The following ROBO2 variants were observed in gnomAD, a reference collection of about 807,000 sequenced individuals.
The protein encoded by ROBO2 is roundabout homolog 2.
Under a neutral mutation model 160.8 loss-of-function variants are expected in ROBO2, and 53 were observed. The observed-to-expected ratio is 0.33, with a 90% confidence interval of 0.26 to 0.41. ROBO2 has a LOEUF of 0.41. Among genes scored for constraint, ROBO2 ranks in the 10% least tolerant of loss-of-function variants. The probability of loss-of-function intolerance (pLI) is 1.00; values close to 1 mark genes in which losing one functional copy is unlikely to be tolerated. For missense variants in ROBO2, 1,577 were observed against 1,722.4 expected (o/e 0.92, Z 1.49); for synonymous variants, 664 against 611.7 (o/e 1.09, Z -1.26).
chr3:77,075,957 C>T (rs776040975), intron 1 of ROBO2, among the ~76,000 whole-genome samples: 9 of 151,654 alleles, frequency 5.9e-5, no homozygotes, highest in South Asian at 4.1e-4. Flanking sequence ...GGATTACAGG[C>T]GTGAGCCACC....
At chr3:76,619,595 C>A (rs2088898206) in intron 2 of ROBO2, among the ~76,000 whole-genome samples, 1 of 152,160 alleles carries the variant, frequency 6.6e-6, no homozygotes, top group Admixed American at 6.5e-5. Flanking sequence ...CTAACTCCAG[C>A]ATATTATCAT....
At chr3:76,894,578 A>G (rs2074618783) in intron 2 of ROBO2, among the ~76,000 whole-genome samples, 1 of 152,156 alleles carries the variant, frequency 6.6e-6, no homozygotes, top group Admixed American at 6.5e-5. Flanking sequence ...GTATTGCCAT[A>G]TAAAAAGATA....
At chr3:76,219,158 T>C (rs1435006730) in intron 2 of ROBO2, among the ~76,000 whole-genome samples, 2 of 152,120 alleles carry the variant, frequency 1.3e-5, no homozygotes, top group Non-Finnish European at 2.9e-5. Context: ...ATACAAAAAT[T>C]AATTCAAGAT....
chr3:76,727,062 G>A (rs1187581190), intron 2 of ROBO2, among the ~76,000 whole-genome samples: 2 of 152,116 alleles, frequency 1.3e-5, no homozygotes, highest in Non-Finnish European at 2.9e-5. Context: ...TAATCCTGAA[G>A]TAATATCAAA....
At position 76,747,227 on chromosome 3, in the gene ROBO2, G is replaced by A. The variant is rs568680064; in HGVS notation, c.110-350787G>A. On this transcript the variant is annotated intron_variant, in intron 2 of 26. Transcript: ENST00000487694. ...ATATGTGTAAAAGCAAACAACATCTGTTTAGTTTAGTTGAACAACAAAGTG... is the reference window on the plus strand; with the variant it reads ...ATATGTGTAAAAGCAAACAACATCTATTTAGTTTAGTTGAACAACAAAGTG... Among the ~76,000 whole-genome samples the A allele has an allele frequency of 8.5e-5, 13 of 152,194 alleles. No individual in the cohort carries two copies. In the South Asian group the frequency reaches 2.7e-3, roughly 31 times the overall value.
intron 2 of ROBO2, among the ~76,000 whole-genome samples, chr3:77,304,903 A>C (rs535961001): frequency 2.0e-5 from 3 of 152,304 alleles, no homozygotes; most frequent in African/African-American, 7.2e-5. Context: ...TAGTTTTGAT[A>C]AATGCATTTG....
intron 6 of ROBO2, among the ~76,000 whole-genome samples, chr3:77,541,350 C>G (rs929601290): frequency 1.3e-5 from 2 of 152,200 alleles, no homozygotes; most frequent in Non-Finnish European, 2.9e-5. Flanking sequence ...GTTCAGCCAT[C>G]TGATTTCCAT....
At chr3:76,326,499 C>A (rs2073032853) in intron 2 of ROBO2, among the ~76,000 whole-genome samples, 1 of 151,888 alleles carries the variant, frequency 6.6e-6, no homozygotes, top group South Asian at 2.1e-4. Flanking sequence ...TTGCATAATG[C>A]ATATATTACA....
intron 1 of ROBO2, among the ~76,000 whole-genome samples, chr3:77,096,533 C>A (rs2071088169): frequency 6.6e-6 from 1 of 151,468 alleles, no homozygotes; most frequent in Admixed American, 6.6e-5. Context: ...ACTGCAACCT[C>A]TGCTTCCTGA....
intron 2 of ROBO2, among the ~76,000 whole-genome samples, chr3:76,390,754 A>T (rs9838268): frequency 6.6e-6 from 1 of 152,062 alleles, no homozygotes; most frequent in Non-Finnish European, 1.5e-5. Context: ...TATTCTTTTG[A>T]GAAAATGTTG....
chr3:76,109,960 CA>C (rs1337390683), intron 2 of ROBO2, among the ~76,000 whole-genome samples: 3 of 151,730 alleles, frequency 2.0e-5, no homozygotes, highest in African/African-American at 7.3e-5. Context: ...TGATAGCCTC[CA>C]GTTCCATTCA....
chr3:76,309,560 G>T (rs1200942850), intron 2 of ROBO2, among the ~76,000 whole-genome samples: 1 of 152,062 alleles, frequency 6.6e-6, no homozygotes, highest in Admixed American at 6.5e-5. Flanking sequence ...TCTTCTAAAG[G>T]TACCTCTTCC....
chr3:76,160,451 TA>T (rs76104867), intron 2 of ROBO2, among the ~76,000 whole-genome samples: 52,210 of 151,996 alleles, frequency 0.34, 10,842 homozygotes, highest in South Asian at 0.47. Flanking sequence ...TTTTTGCTTT[TA>T]ATTGTTGGTC....
intron 6 of ROBO2, among the ~76,000 whole-genome samples, chr3:77,542,902 C>A (rs1181404258): frequency 6.6e-6 from 1 of 152,154 alleles, no homozygotes; most frequent in Non-Finnish European, 1.5e-5. Flanking sequence ...TTGAACAGAT[C>A]TTTAGAGTTT....
chr3:76,077,360 C>T (rs150269606), intron 2 of ROBO2, among the ~76,000 whole-genome samples: 2,618 of 152,044 alleles, frequency 0.017, 86 homozygotes, highest in African/African-American at 0.059. Flanking sequence ...GTCAGGAGTT[C>T]GAGACCAGCC....
At chr3:77,553,316 C>T (rs2092989904) in intron 8 of ROBO2, among the ~76,000 whole-genome samples, 1 of 151,718 alleles carries the variant, frequency 6.6e-6, no homozygotes, top group African/African-American at 2.4e-5. Flanking sequence ...GTTTCTTTAC[C>T]CACTGGTTTC....
chr3:77,558,059 T>G lies in ROBO2; in HGVS notation c.1347T>G (p.Ile449Met), dbSNP rs1332438703. ...CCACTGGTGATCCTCTTCCTGTAAT[T>G]AGCTGGTTAAAGGAGGGATTTACTT... Residue 449 changes from isoleucine to methionine, a missense_variant, in exon 9 of 26, where the codon ATT becomes ATG. By Grantham distance (10) the Ile-to-Met change is conservative. Transcript: ENST00000461745. The G allele has an allele frequency of 1.9e-5, 31 of 1,613,044 alleles. No individual in the cohort carries two copies. Among genetic ancestry groups the G allele is most frequent in the Non-Finnish European group, 2.6e-5 (31 of 1,179,392 alleles).
In ROBO2 at chr3:76,090,889, A is replaced by C. The variant is rs75173055; in HGVS notation, c.109+153287A>C. Among the ~76,000 whole-genome samples, 1,168 of 152,246 alleles carry C rather than the reference A, an allele frequency of 7.7e-3. 14 individuals carry two copies. The highest frequency in any genetic ancestry group is 0.027 in the African/African-American group (1,117 of 41,574). On this transcript the variant is annotated intron_variant, in intron 2 of 26. Coordinates refer to the ROBO2 transcript ENST00000487694. ...GAAAATGGTGCGGGAACAACTGTAC[A>C]CCCACATGCGAACAAACTAAGTTAA...
intron 2 of ROBO2, among the ~76,000 whole-genome samples, chr3:76,292,459 C>T (rs1708851124): frequency 6.6e-6 from 1 of 152,156 alleles, no homozygotes; most frequent in South Asian, 2.1e-4. Flanking sequence ...AACTTGACAA[C>T]ATATAAGATG....
Sources: allele counts gnomAD v4.1 joint callset (sites outside exome capture counted in the v4.1 genomes callset), GRCh38; gene constraint gnomAD v4.1.1; transcripts MANE v1.5; gene names NCBI Gene and HGNC (gene_info 2026-07-23, HGNC 2026-07-21).